Variants in LRRC8E observed in about 807,000 individuals in gnomAD.
The protein encoded by LRRC8E is volume-regulated anion channel subunit LRRC8E.
LRRC8E carries 6 observed loss-of-function variants against 6.1 expected under a neutral mutation model. The ratio of observed to expected loss-of-function variants is 0.98; its 90% CI spans 0.54 to 1.93. The LOEUF (loss-of-function observed/expected upper bound fraction) is 1.93, where lower values mean the gene tolerates loss of function less well. LRRC8E is among the 30% of genes most tolerant of loss of function. The pLI is 0.01. For synonymous variants in LRRC8E, 485 were observed against 472.8 expected, an observed-to-expected ratio of 1.03 and a Z score of -0.33; for missense variants, 1,028 against 1,031.4, an observed-to-expected ratio of 1.00 and a Z score of 0.04.
In LRRC8E at chr19:7,895,534, C is replaced by A; in HGVS notation, c.-5-65C>A. The stretch of plus-strand genomic sequence containing the variant: ...TGCCTGTGTCCGGCTCCTCGGAGGA[C>A]CCCCTGCAGAGCCTCCCATCCTGAG... On this transcript the variant is annotated intron_variant, in intron 1 of 2. Coordinates refer to ENST00000306708, the MANE Select transcript of LRRC8E (RefSeq NM_025061.6). The surrounding 1 kb of genome is among the most constrained non-coding windows in gnomAD (Gnocchi z 4.7). 3.2e-6 allele frequency: 5 copies of A among 1,560,158 alleles called. No individual in the cohort carries two copies. The South Asian group carries it at 5.7e-5, about 18-fold the overall frequency.
chr19:7,890,069 A>AG (rs1981224432), intron 1 of LRRC8E, among the ~76,000 whole-genome samples: 1 of 151,798 alleles, frequency 6.6e-6, no homozygotes, highest in Non-Finnish European at 1.5e-5. Context: ...AAAAAAAAAA[A>AG]AGGTTGGGCC....
Position 7,899,680 on chromosome 19 carries a change from C to T in LRRC8E, c.1158C>T (p.Ser386=), listed in dbSNP as rs370935680. Residue 386 remains serine (S), a synonymous_variant, in exon 3 of 3, where the codon TCC becomes TCT. Transcript: ENST00000306708. ...CCAAGCGCTTCGCCGTCTTCCTGTC[C>T]GAGGTCAGCGAAAGCCGTCTAAAGC... ...LYSKRFAVFL[S]EVSESRLKQL... The T allele has an allele frequency of 5.8e-5, 93 of 1,613,580 alleles. No individual in the cohort carries two copies. Among genetic ancestry groups the T allele is most frequent in the Non-Finnish European group, 6.9e-5 (81 of 1,180,054 alleles).
At position 7,898,234 on chromosome 19, in the gene LRRC8E, G is replaced by A. The variant is rs546502284; in HGVS notation, c.139-427G>A. Among the ~76,000 whole-genome samples the A allele has an allele frequency of 4.2e-5, 6 of 141,358 alleles. No homozygotes were observed. The South Asian group carries it at 1.4e-3, about 33-fold the overall frequency. The allele number at this position is 141,358 out of a possible 152,430, so 92.7% of individuals were successfully genotyped here. On this transcript the variant is annotated intron_variant, in intron 2 of 2. Transcript: ENST00000306708. ...AAAAAAACCAAAAAAAAAAAAAACA[G>A]TGCTTAGAGGTTTAGCAAAACTCTT...
At chr19:7,893,239 C>T (rs568077127) in intron 1 of LRRC8E, among the ~76,000 whole-genome samples, 17 of 152,276 alleles carry the variant, frequency 1.1e-4, no homozygotes, top group African/African-American at 4.1e-4. Context: ...AACTCCTGAC[C>T]TTGTGATTTG....
In LRRC8E at chr19:7,895,224, T is replaced by A; in HGVS notation, c.-5-375T>A. On this transcript the variant is annotated intron_variant, in intron 1 of 2. Coordinates refer to ENST00000306708, the MANE Select transcript of LRRC8E (RefSeq NM_025061.6). The surrounding 1 kb of genome is among the most constrained non-coding windows in gnomAD (Gnocchi z 4.7). ...TGCAGTCAGGGAGCATCGAGGCAGA[T>A]GTTTTCAGGCCTTGGTGTCAGGGGT... 5.2e-6 allele frequency: 1 copy of A among 193,398 alleles called. No homozygotes were observed. Among genetic ancestry groups the A allele is most frequent in the East Asian group, 1.2e-4 (1 of 8,504 alleles). 12.0% of individuals were successfully genotyped at this position (193,398 alleles called of 1,614,324 possible). A position where few individuals can be genotyped will look rare whatever the true frequency, so the allele number is the denominator to read the frequency against.
chr19:7,890,322 C>A (rs1035459207), intron 1 of LRRC8E, among the ~76,000 whole-genome samples: 5 of 146,542 alleles, frequency 3.4e-5, no homozygotes. Context: ...GCTGGAAAGC[C>A]TTCCAGCCTG....
chr19:7,891,522 C>CGG (rs1555697622), intron 1 of LRRC8E, among the ~76,000 whole-genome samples: 14 of 98,252 alleles, frequency 1.4e-4, no homozygotes, highest in Admixed American at 5.7e-4. Flanking sequence ...GGTCCCTGCT[C>CGG]GGGTGTGTGT....
Position 7,899,459 on chromosome 19 carries a change from G to C in LRRC8E, c.937G>C (p.Ala313Pro), listed in dbSNP as rs773874504. ...HTKAHLFSKL[A>P]FCYISFVCIY... Reference sequence around the variant, plus strand: ...CAAGGCCCACCTCTTCTCCAAGCTGGCCTTCTGTTACATCTCCTTTGTGTG... The same window carrying C: ...CAAGGCCCACCTCTTCTCCAAGCTGCCCTTCTGTTACATCTCCTTTGTGTG... Residue 313 changes from alanine to proline, a missense_variant, in exon 3 of 3, where the codon GCC becomes CCC. Physicochemically the swap from Ala to Pro is conservative, Grantham distance 27. Transcript: ENST00000306708. The C allele has an allele frequency of 6.2e-7, 1 of 1,613,976 alleles. No homozygotes were observed. Among genetic ancestry groups the C allele is most frequent in the African/African-American group, 1.3e-5 (1 of 74,928 alleles).
intron 1 of LRRC8E, among the ~76,000 whole-genome samples, chr19:7,892,193 C>A (rs954294697): frequency 1.6e-4 from 24 of 152,180 alleles, no homozygotes; most frequent in African/African-American, 5.8e-4. Context: ...CTGCCTCAGC[C>A]TCCCAAGTAG....
chr19:7,896,239 CCTTT>C (rs1981584336), intron 2 of LRRC8E, among the ~76,000 whole-genome samples: 3 of 151,520 alleles, frequency 2.0e-5, no homozygotes, highest in South Asian at 2.1e-4. Context: ...TGCACCTGAC[CCTTT>C]CTTTTTTTTT....
At chr19:7,891,607 G>C (rs1464727318) in intron 1 of LRRC8E, among the ~76,000 whole-genome samples, 1 of 150,786 alleles carries the variant, frequency 6.6e-6, no homozygotes, top group East Asian at 1.9e-4. Context: ...AGGAGTTTTT[G>C]TTTTGTTTTG....
Position 7,899,675 on chromosome 19 carries a change from C to T in LRRC8E, c.1153C>T (p.Leu385=). 1.9e-6 allele frequency: 3 copies of T among 1,613,736 alleles called. No homozygotes were observed. The highest frequency in any genetic ancestry group is 2.5e-6 in the Non-Finnish European group (3 of 1,180,040). ...CTACTCCAAGCGCTTCGCCGTCTTC[C>T]TGTCCGAGGTCAGCGAAAGCCGTCT... ...SLYSKRFAVF[L]SEVSESRLKQ... is the part of the protein sequence containing the mutation. Residue 385 remains leucine, a synonymous_variant, in exon 3 of 3, where the codon CTG becomes TTG. Coordinates refer to ENST00000306708, the MANE Select transcript of LRRC8E (RefSeq NM_025061.6).
chr19:7,897,189 A>G (rs1448750585), intron 2 of LRRC8E, among the ~76,000 whole-genome samples: 1 of 101,702 alleles, frequency 9.8e-6, no homozygotes, highest in Non-Finnish European at 2.0e-5. Context: ...TTTTTTTTTT[A>G]GACAGAGTCT....
chr19:7,895,583 T>C lies in LRRC8E; in HGVS notation c.-5-16T>C. 6.2e-7 allele frequency: 1 copy of C among 1,608,652 alleles called. No individual in the cohort carries two copies. ...AGGGTCTCTCTCTACACCCCCCGTCTCGTCCCGTCCCACAGGCAGCATGAT... is the reference window on the plus strand; with the variant it reads ...AGGGTCTCTCTCTACACCCCCCGTCCCGTCCCGTCCCACAGGCAGCATGAT... On this transcript the variant is annotated splice_polypyrimidine_tract_variant and intron_variant, in intron 1 of 2. Transcript: ENST00000306708. This position sits in a 1 kb window ranked among gnomAD's most constrained non-coding sequence, Gnocchi z 4.7.
At chr19:7,896,289 A>G (rs1450902322) in intron 2 of LRRC8E, among the ~76,000 whole-genome samples, 2 of 147,846 alleles carry the variant, frequency 1.4e-5, no homozygotes, top group African/African-American at 5.0e-5. Context: ...AAAAAGAGAC[A>G]GGGGCCGGGC....
At position 7,898,680 on chromosome 19, in the gene LRRC8E, T is replaced by C. The variant is rs1981736951; in HGVS notation, c.158T>C (p.Ile53Thr). Residue 53 changes from isoleucine (I) to threonine (T), a missense_variant, in exon 3 of 3, where the codon ATC (isoleucine) becomes ACC (threonine). Physicochemically the swap from Ile to Thr is moderately conservative, Grantham distance 89. Transcript: ENST00000306708. Reference protein sequence around the residue: ...CTLQVTQDKIICLPNHELQEN... With the variant: ...CTLQVTQDKITCLPNHELQEN... The stretch of plus-strand genomic sequence containing the variant: ...CCTCAGGTGACACAGGACAAGATCA[T>C]CTGTCTACCCAATCATGAGCTCCAG... The C allele has an allele frequency of 2.5e-6, 4 of 1,609,092 alleles. No homozygotes were observed. In the Admixed American group the frequency reaches 5.0e-5, roughly 20 times the overall value.
In LRRC8E at chr19:7,900,274, G is replaced by C. The variant is rs201790483; in HGVS notation, c.1752G>C (p.Leu584Phe). 17 of 1,613,316 alleles carry C rather than the reference G, an allele frequency of 1.1e-5. No homozygotes were observed. The highest frequency in any genetic ancestry group is 8.5e-7 in the Non-Finnish European group (1 of 1,180,048). Residue 584 changes from leucine (L) to phenylalanine (F), a missense_variant, in exon 3 of 3, where the codon TTG becomes TTC. Physicochemically the swap from Leu to Phe is conservative, Grantham distance 22. Transcript: ENST00000306708. This position sits in a 1 kb window ranked among gnomAD's most constrained non-coding sequence, Gnocchi z 5.0. ...ACAGCCTCAAGAAGCTGGCGGCATT[G>C]CGGGAGCTGGAGCTGGTGGCCTGCG... Reference protein sequence around the residue: ...ALNSLKKLAALRELELVACGL... With the variant: ...ALNSLKKLAAFRELELVACGL...
rs1369328702 is a variant in LRRC8E at position 7,900,099 on chromosome 19, C to T, written c.1577C>T (p.Ala526Val). The T allele has an allele frequency of 1.2e-6, 2 of 1,612,384 alleles. No homozygotes were observed. Among genetic ancestry groups the T allele is most frequent in the Non-Finnish European group, 1.7e-6 (2 of 1,179,950 alleles). Reference protein sequence around the residue: ...GLFPQELARAATLESLRELKQ... With the variant: ...GLFPQELARAVTLESLRELKQ... ...TTCCCCCAGGAGCTAGCTCGGGCAGCCACCCTGGAGAGCCTCCGGGAGCTG... is the reference window on the plus strand; with the variant it reads ...TTCCCCCAGGAGCTAGCTCGGGCAGTCACCCTGGAGAGCCTCCGGGAGCTG... Residue 526 changes from alanine to valine, a missense_variant, in exon 3 of 3, where the codon GCC (alanine) becomes GTC (valine). By Grantham distance (64) the Ala-to-Val change is moderately conservative. Coordinates refer to ENST00000306708, the MANE Select transcript of LRRC8E (RefSeq NM_025061.6). The surrounding 1 kb of genome is among the most constrained non-coding windows in gnomAD (Gnocchi z 5.0).
At chr19:7,891,241 G>A (rs1158019820) in intron 1 of LRRC8E, among the ~76,000 whole-genome samples, 1 of 152,286 alleles carries the variant, frequency 6.6e-6, no homozygotes, top group East Asian at 1.9e-4. Context: ...ACGTCCCATC[G>A]TTTTATTTTC....
Sources: gnomAD v4.1 joint callset for allele counts (sites outside exome capture counted in the v4.1 genomes callset) on GRCh38, gnomAD v4.1.1 for gene constraint, Gnocchi (gnomAD v3.1) non-coding constraint, MANE v1.5 for transcripts, NCBI Gene and HGNC (gene_info 2026-07-23, HGNC 2026-07-21) for gene names.